Variants in ADAMTSL1 observed in about 807,000 individuals in gnomAD.
ADAMTSL1 encodes ADAMTS like 1, also known as ADAMTS-like protein 1.
Under a neutral mutation model 201.8 loss-of-function variants are expected in ADAMTSL1, and 126 were observed. The ratio of observed to expected loss-of-function variants is 0.62; its 90% confidence interval spans 0.54 to 0.72. The LOEUF (loss-of-function observed/expected upper bound fraction) is 0.72. Among genes scored for constraint, ADAMTSL1 ranks in the 30% least tolerant of loss-of-function variants. The pLI is 0.00. For synonymous variants in ADAMTSL1, 1,121 were observed against 903.4 expected (o/e 1.24, Z -4.32); for missense variants, 2,679 against 2,277.8 (o/e 1.18, Z -3.59).
chr9:18,421,495 T>C (rs1818946253), intron 2 of ADAMTSL1, among the ~76,000 whole-genome samples: 1 of 152,146 alleles, frequency 6.6e-6, no homozygotes, highest in Admixed American at 6.5e-5. Context: ...TCCTTGCTGC[T>C]ATTAACAGCA....
chr9:18,591,551 C>T (rs1823916960), intron 4 of ADAMTSL1, among the ~76,000 whole-genome samples: 1 of 152,046 alleles, frequency 6.6e-6, no homozygotes, highest in South Asian at 2.1e-4. Flanking sequence ...TTCTTATTGC[C>T]ATTTGGTTAG....
intron 1 of ADAMTSL1, among the ~76,000 whole-genome samples, chr9:17,996,087 C>T (rs1480237489): frequency 2.0e-5 from 3 of 151,938 alleles, no homozygotes; most frequent in African/African-American, 7.2e-5. Flanking sequence ...TTTATCATTC[C>T]CTGTCTTGTG....
intron 2 of ADAMTSL1, among the ~76,000 whole-genome samples, chr9:18,298,528 GGT>G (rs945354545): frequency 6.6e-6 from 1 of 151,768 alleles, no homozygotes; most frequent in African/African-American, 2.4e-5. Context: ...AAAAGACGAG[GGT>G]GTGTGTGTGT....
chr9:18,012,476 G>C lies in ADAMTSL1; in HGVS notation c.87+105554G>C, dbSNP rs1480580446. ...CAGCATTTAGGCAAGTCCATGTAAAGTGGAGGCTACTTGCCTCCACCCATT... is the reference window on the plus strand; with the variant it reads ...CAGCATTTAGGCAAGTCCATGTAAACTGGAGGCTACTTGCCTCCACCCATT... On this transcript the variant is annotated intron_variant, in intron 1 of 29. Transcript: ENST00000680146. Among the ~76,000 whole-genome samples the C allele has an allele frequency of 4.6e-5, 7 of 152,196 alleles. No individual in the cohort carries two copies. In the East Asian group the frequency reaches 1.2e-3, roughly 25 times the overall value.
chr9:18,053,793 A>T (rs936534569), intron 1 of ADAMTSL1, among the ~76,000 whole-genome samples: 1 of 152,220 alleles, frequency 6.6e-6, no homozygotes, highest in Non-Finnish European at 1.5e-5. Context: ...AGGAGGCTTC[A>T]AGGATAAAAC....
At chr9:18,551,977 C>T (rs913100637) in intron 3 of ADAMTSL1, among the ~76,000 whole-genome samples, 2 of 151,662 alleles carry the variant, frequency 1.3e-5, no homozygotes, top group African/African-American at 2.4e-5. Flanking sequence ...TTTGGGATTT[C>T]TTCTTTGTTA....
At chr9:18,132,279 T>C (rs1825984610) in intron 1 of ADAMTSL1, among the ~76,000 whole-genome samples, 1 of 152,180 alleles carries the variant, frequency 6.6e-6, no homozygotes, top group South Asian at 2.1e-4. Context: ...ATATGCCATA[T>C]TTTAATTTTG....
intron 1 of ADAMTSL1, among the ~76,000 whole-genome samples, chr9:18,038,143 T>G (rs1586931228): frequency 1.3e-5 from 2 of 152,188 alleles, no homozygotes; most frequent in African/African-American, 2.4e-5. Context: ...TGTGTGTCTT[T>G]CACTGAAGCG....
chr9:18,517,917 A>G (rs1024025310), intron 2 of ADAMTSL1, among the ~76,000 whole-genome samples: 6 of 152,150 alleles, frequency 3.9e-5, no homozygotes, highest in African/African-American at 4.8e-5. Context: ...AAAGTTCTTC[A>G]TGGCCTGGAG....
intron 4 of ADAMTSL1, among the ~76,000 whole-genome samples, chr9:18,588,313 A>G (rs1823652777): frequency 6.6e-6 from 1 of 151,776 alleles, no homozygotes; most frequent in African/African-American, 2.4e-5. Flanking sequence ...TTTTATCAGA[A>G]ATTTTTTTTC....
intron 13 of ADAMTSL1, among the ~76,000 whole-genome samples, chr9:18,700,908 G>A (rs1275251879): frequency 6.6e-6 from 1 of 152,076 alleles, no homozygotes; most frequent in Non-Finnish European, 1.5e-5. Context: ...ACCAATGAGG[G>A]AACCAATAAG....
chr9:18,813,441 C>T (rs1267605118), intron 20 of ADAMTSL1, among the ~76,000 whole-genome samples: 1 of 152,198 alleles, frequency 6.6e-6, no homozygotes, highest in Non-Finnish European at 1.5e-5. Context: ...CAATATTAAT[C>T]CTTCCAATCC....
In ADAMTSL1 at chr9:18,073,686, C is replaced by A. The variant is rs1223557153; in HGVS notation, c.88-90176C>A. Among the ~76,000 whole-genome samples, 34 of 152,072 alleles carry A rather than the reference C, an allele frequency of 2.2e-4. 1 individual carries two copies. Among genetic ancestry groups the A allele is most frequent in the Admixed American group, 2.2e-3 (34 of 15,258 alleles). On this transcript the variant is annotated intron_variant, in intron 1 of 29. Coordinates refer to the ADAMTSL1 transcript ENST00000680146. Reference sequence around the variant, plus strand: ...AAGATATGCATGCATTTTTTATAACCTTGGAACTGTTTTAAGATAGAAGAC... The same window carrying A: ...AAGATATGCATGCATTTTTTATAACATTGGAACTGTTTTAAGATAGAAGAC...
At chr9:18,484,444 C>A (rs1357192395) in intron 1 of ADAMTSL1, among the ~76,000 whole-genome samples, 1 of 152,138 alleles carries the variant, frequency 6.6e-6, no homozygotes, top group African/African-American at 2.4e-5. Flanking sequence ...TATTTAAGGT[C>A]ATTTCTTTGA....
chr9:17,982,417 A>T (rs1304745552), intron 1 of ADAMTSL1, among the ~76,000 whole-genome samples: 1 of 152,156 alleles, frequency 6.6e-6, no homozygotes, highest in Non-Finnish European at 1.5e-5. Flanking sequence ...GTTCGAGACC[A>T]GGCTGGCCAA....
intron 2 of ADAMTSL1, among the ~76,000 whole-genome samples, chr9:18,369,986 AT>A (rs1274945472): frequency 1.3e-5 from 2 of 152,226 alleles, no homozygotes; most frequent in African/African-American, 4.8e-5. Context: ...GATGAAAATA[AT>A]AGATACTGGG....
intron 21 of ADAMTSL1, among the ~76,000 whole-genome samples, chr9:18,820,451 G>A (rs1824141587): frequency 6.6e-6 from 1 of 152,172 alleles, no homozygotes; most frequent in South Asian, 2.1e-4. Context: ...AAAACAGCTT[G>A]TTCAAAGTCG....
At chr9:18,903,917 T>C (rs1163556494) in intron 26 of ADAMTSL1, among the ~76,000 whole-genome samples, 1 of 152,082 alleles carries the variant, frequency 6.6e-6, no homozygotes, top group Non-Finnish European at 1.5e-5. Context: ...AGGTCAACTA[T>C]ACTCACTCTA....
intron 13 of ADAMTSL1, among the ~76,000 whole-genome samples, chr9:18,705,935 C>T (rs1300621496): frequency 1.3e-5 from 2 of 152,140 alleles, no homozygotes; most frequent in Non-Finnish European, 2.9e-5. Flanking sequence ...TGAGGTCCAG[C>T]CTGGGTGGGA....
Sources: gnomAD v4.1 joint callset for allele counts (sites outside exome capture counted in the v4.1 genomes callset) on GRCh38, gnomAD v4.1.1 for gene constraint, MANE v1.5 for transcripts, NCBI Gene and HGNC (gene_info 2026-07-23, HGNC 2026-07-21) for gene names.